Variants in RARS2 observed in about 807,000 individuals in gnomAD.
RARS2 encodes probable arginine--tRNA ligase, mitochondrial.
A neutral mutation model predicts 88.5 loss-of-function variants in RARS2; 67 were observed. That is an observed-to-expected ratio of 0.76 (90% CI 0.62 to 0.93). The LOEUF (loss-of-function observed/expected upper bound fraction) is 0.93, where lower values mean the gene tolerates loss of function less well. RARS2 is among the 40% of genes least tolerant of loss of function. RARS2 has a pLI of 0.00. For synonymous variants in RARS2, 239 were observed against 230.3 expected, an observed-to-expected ratio of 1.04 and a Z score of -0.34; for missense variants, 664 against 684.2, an observed-to-expected ratio of 0.97 and a Z score of 0.33.
At chr6:87,565,664 T>C (rs1226157287) in intron 2 of RARS2, among the ~76,000 whole-genome samples, 1 of 152,250 alleles carries the variant, frequency 6.6e-6, no homozygotes, top group African/African-American at 2.4e-5. Flanking sequence ...TGAATTTTTC[T>C]GTAGGTTTGA....
chr6:87,521,622 TTTAAA>T, intron 11 of RARS2, 98 bp from the exon 12 acceptor site: 1 of 885,032 alleles, frequency 1.1e-6, no homozygotes, highest in South Asian at 1.4e-5. Flanking sequence ...TAATTAAGAA[TTTAAA>T]TTATACCACA....
intron 1 of RARS2, among the ~76,000 whole-genome samples, chr6:87,586,951 C>T (rs1465188502): frequency 6.6e-6 from 1 of 151,836 alleles, no homozygotes; most frequent in African/African-American, 2.4e-5. Flanking sequence ...CTTTACCACC[C>T]ACGCTGGAGT....
At chr6:87,542,105 C>T in intron 7 of RARS2, 111 bp from the exon 8 acceptor site, 1 of 813,246 alleles carries the variant, frequency 1.2e-6, no homozygotes, top group Non-Finnish European at 2.1e-6. Context: ...ATTATGTATC[C>T]TGAGAAGTAT....
chr6:87,548,499 ATTTTGTTAT>A (rs1783308974), intron 6 of RARS2, 83 bp downstream of exon 6: 2 of 1,287,500 alleles, frequency 1.6e-6, no homozygotes, highest in African/African-American at 1.5e-5. Flanking sequence ...GTTTTTTGCT[ATTTTGTTAT>A]TTAAGCATTA....
chr6:87,570,492 C>T (rs947358880), intron 1 of RARS2, among the ~76,000 whole-genome samples: 3 of 152,152 alleles, frequency 2.0e-5, no homozygotes, highest in Non-Finnish European at 2.9e-5. Context: ...GATCTCGGCT[C>T]ACTGCGGCCT....
At chr6:87,553,502 A>G (rs2128139248) in intron 5 of RARS2, among the ~76,000 whole-genome samples, 1 of 152,318 alleles carries the variant, frequency 6.6e-6, no homozygotes, top group Non-Finnish European at 1.5e-5. Flanking sequence ...TATTCAACTC[A>G]GCTCTACTGT....
At chr6:87,519,468 A>G (rs2128005937) in intron 14 of RARS2, 115 bp downstream of exon 14, 1 of 1,206,418 alleles carries the variant, frequency 8.3e-7, no homozygotes, top group Non-Finnish European at 1.2e-6. Context: ...ATTTTTGACA[A>G]AGTTAGTGAC....
intron 1 of RARS2, among the ~76,000 whole-genome samples, chr6:87,578,117 C>CT (rs1772192298): frequency 2.2e-5 from 3 of 138,380 alleles, no homozygotes; most frequent in African/African-American, 7.7e-5. Context: ...ACCCCCCCCC[C>CT]CGCCATCTCT....
chr6:87,588,523 C>CA (rs1338804084), intron 1 of RARS2, among the ~76,000 whole-genome samples: 2 of 152,040 alleles, frequency 1.3e-5, no homozygotes, highest in African/African-American at 4.8e-5. Context: ...AGAGGTGCAC[C>CA]ATCATGCCTG....
intron 7 of RARS2, among the ~76,000 whole-genome samples, chr6:87,545,039 A>G (rs764467796): frequency 2.0e-5 from 3 of 152,150 alleles, no homozygotes; most frequent in Non-Finnish European, 4.4e-5. Flanking sequence ...TTCTACATTT[A>G]ACTAATAAAA....
chr6:87,584,386 G>A (rs1774496713), intron 1 of RARS2, among the ~76,000 whole-genome samples: 1 of 152,164 alleles, frequency 6.6e-6, no homozygotes, highest in African/African-American at 2.4e-5. Flanking sequence ...CTGACATTAA[G>A]CACTGTTATC....
intron 13 of RARS2, 108 bp from the exon 14 acceptor site, chr6:87,519,815 T>C (rs959906369): frequency 1.5e-6 from 2 of 1,326,260 alleles, no homozygotes; most frequent in African/African-American, 1.5e-5. Context: ...GAGCAGAGTT[T>C]TTAAAAATTA....
chr6:87,551,713 C>A (rs1046181200), intron 5 of RARS2, among the ~76,000 whole-genome samples: 2 of 151,404 alleles, frequency 1.3e-5, no homozygotes, highest in Non-Finnish European at 2.9e-5. Flanking sequence ...GATCACTGAG[C>A]CAGTTACTAA....
intron 1 of RARS2, chr6:87,584,643 T>A (rs1022824557): frequency 4.5e-6 from 2 of 446,718 alleles, no homozygotes; most frequent in Non-Finnish European, 8.9e-6. Context: ...GGTAAGCAGG[T>A]CTATACAAAT....
intron 19 of RARS2, 72 bp downstream of exon 19, chr6:87,514,885 T>C: frequency 7.6e-7 from 1 of 1,308,298 alleles, no homozygotes; most frequent in South Asian, 1.2e-5. Context: ...TTTAGAAAAA[T>C]TTACAAGACT....
chr6:87,556,790 C>CAAAAAAA (rs71018038), intron 4 of RARS2, among the ~76,000 whole-genome samples: 2 of 77,008 alleles, frequency 2.6e-5, no homozygotes, highest in African/African-American at 1.2e-4. Flanking sequence ...GACTCTGTCT[C>CAAAAAAA]AAAAAAAAAA....
chr6:87,566,831 C>T (rs1365783124), intron 2 of RARS2, among the ~76,000 whole-genome samples: 1 of 107,080 alleles, frequency 9.3e-6, no homozygotes, highest in East Asian at 2.8e-4. Context: ...CAGCAACCAA[C>T]AGAGCTAGGT....
chr6:87,574,461 T>C (rs1032490727), intron 1 of RARS2, among the ~76,000 whole-genome samples: 1 of 152,066 alleles, frequency 6.6e-6, no homozygotes, highest in East Asian at 1.9e-4. Flanking sequence ...GAAGAAGTCA[T>C]CCACACAATG....
At chr6:87,535,224 G>A (rs1008579597) in intron 8 of RARS2, among the ~76,000 whole-genome samples, 17 of 152,102 alleles carry the variant, frequency 1.1e-4, no homozygotes, top group African/African-American at 3.6e-4. Context: ...AATCTTGAAC[G>A]CAATTTTTCA....
Sources: allele counts gnomAD v4.1 joint callset (sites outside exome capture counted in the v4.1 genomes callset), GRCh38; gene constraint gnomAD v4.1.1; transcripts MANE v1.5; gene names NCBI Gene and HGNC (gene_info 2026-07-23, HGNC 2026-07-21).